The following CYRIB variants were observed in gnomAD, a reference collection of about 807,000 sequenced individuals.
CYRIB encodes the protein CYFIP-related Rac1 interactor B.
CYRIB carries 8 observed loss-of-function variants against 44.2 expected under a neutral mutation model. That is an observed-to-expected ratio of 0.18 (90% confidence interval 0.11 to 0.33). CYRIB has a LOEUF of 0.33. Among genes scored for constraint, CYRIB ranks in the 10% least tolerant of loss-of-function variants. CYRIB has a pLI of 1.00. For synonymous variants in CYRIB, 131 were observed against 127.2 expected (o/e 1.03, Z -0.20); for missense variants, 185 against 382.8 (o/e 0.48, Z 4.31).
At chr8:129,862,275 T>C in exon 5 of CYRIB, 1 of 1,613,880 alleles carries the variant, frequency 6.2e-7, no homozygotes, top group Non-Finnish European at 8.5e-7. Context: ...TGCCTACTAG[T>C]GGAACAACTG....
chr8:129,861,200 C>T (rs192807806), intron 5 of CYRIB, among the ~76,000 whole-genome samples: 2 of 152,246 alleles, frequency 1.3e-5, no homozygotes, highest in Admixed American at 6.5e-5. Context: ...ATTCACTGTA[C>T]AAAATAAAGT....
chr8:129,890,165 G>A (rs1181162014), intron 2 of CYRIB, among the ~76,000 whole-genome samples: 1 of 152,320 alleles, frequency 6.6e-6, no homozygotes, highest in East Asian at 1.9e-4. Context: ...GATAAGCACT[G>A]GCAAGGTCTG....
At chr8:129,962,823 T>C (rs1461310368) in intron 2 of CYRIB, among the ~76,000 whole-genome samples, 2 of 152,288 alleles carry the variant, frequency 1.3e-5, no homozygotes, top group African/African-American at 2.4e-5. Context: ...ACCTACTATA[T>C]TGGACATCCT....
At position 129,975,730 on chromosome 8, in the gene CYRIB, T is replaced by C. The variant is rs552705821; in HGVS notation, c.-295-4735A>G. On this transcript the variant is annotated intron_variant, in intron 1 of 14. Coordinates refer to the CYRIB transcript ENST00000401979. ...AAAACAGGTGTTTTGCTTATTCTACTTGGCATAGCATGCTCTACTGCAGAA... is the reference window on the plus strand; with the variant it reads ...AAAACAGGTGTTTTGCTTATTCTACCTGGCATAGCATGCTCTACTGCAGAA... Among the ~76,000 whole-genome samples, 22 of 152,374 alleles carry C rather than the reference T, an allele frequency of 1.4e-4. No homozygotes were observed. In the East Asian group the frequency reaches 4.0e-3, roughly 28 times the overall value.
chr8:129,854,735 T>C (rs2045250530), intron 6 of CYRIB, among the ~76,000 whole-genome samples: 1 of 152,216 alleles, frequency 6.6e-6, no homozygotes. Flanking sequence ...GATACAACTA[T>C]AAAATGCTGA....
intron 1 of CYRIB, among the ~76,000 whole-genome samples, chr8:129,920,077 CA>C (rs1415579544): frequency 6.9e-6 from 1 of 145,908 alleles, no homozygotes; most frequent in Non-Finnish European, 1.5e-5. Flanking sequence ...CAAACCAAAT[CA>C]GGGGAAAACA....
chr8:129,948,898 G>A (rs1051420617), intron 2 of CYRIB: 9 of 152,198 alleles, frequency 5.9e-5, no homozygotes, highest in African/African-American at 2.2e-4. Flanking sequence ...GACCCTGTAT[G>A]TAGAAAAAAT....
At chr8:129,944,639 C>T (rs1220580635), upstream of CYRIB, among the ~76,000 whole-genome samples, 2 of 151,888 alleles carry the variant, frequency 1.3e-5, no homozygotes, top group South Asian at 2.1e-4. Context: ...AAAAATTAGC[C>T]AGACATGGTG....
chr8:129,930,816 C>CT (rs1347185977), intron 1 of CYRIB, among the ~76,000 whole-genome samples: 1 of 152,168 alleles, frequency 6.6e-6, no homozygotes, highest in Non-Finnish European at 1.5e-5. Flanking sequence ...GATCCACCTG[C>CT]TTTTACCCAC....
In CYRIB at chr8:129,965,937, C is replaced by T. The variant is rs192317743; in HGVS notation, c.-243+5006G>A. On this transcript the variant is annotated intron_variant, in intron 2 of 14. Coordinates refer to the CYRIB transcript ENST00000401979. ...TGCAGTCTCGGCTCACTGCAGCCTC[C>T]GCCTCCCAGATTCAAGCTATTCTCC... Among the ~76,000 whole-genome samples, 1,338 of 152,076 alleles carry T rather than the reference C, an allele frequency of 8.8e-3. 11 individuals carry two copies. Among genetic ancestry groups the T allele is most frequent in the Middle Eastern group, 0.041 (12 of 292 alleles).
chr8:129,972,167 C>CT (rs1349695778), intron 1 of CYRIB, among the ~76,000 whole-genome samples: 2 of 152,236 alleles, frequency 1.3e-5, no homozygotes, highest in Non-Finnish European at 2.9e-5. Flanking sequence ...ATTTCAGCCA[C>CT]TTCGGCTGCT....
At chr8:129,858,554 G>A (rs774589662) in intron 5 of CYRIB, among the ~76,000 whole-genome samples, 1 of 152,182 alleles carries the variant, frequency 6.6e-6, no homozygotes, top group Non-Finnish European at 1.5e-5. Flanking sequence ...CTCATCAACT[G>A]CCATCTATCT....
At chr8:129,982,519 C>A (rs1310639934) in intron 1 of CYRIB, among the ~76,000 whole-genome samples, 7 of 152,188 alleles carry the variant, frequency 4.6e-5, no homozygotes, top group Non-Finnish European at 7.3e-5. Context: ...CAGGGATGAA[C>A]TTTAAAGCCA....
At chr8:130,006,607 C>CACATATATATGTATATATAT (rs1359122569) in intron 1 of CYRIB, among the ~76,000 whole-genome samples, 54 of 7,104 alleles carry the variant, frequency 7.6e-3, no homozygotes, top group South Asian at 0.014. Context: ...TATATATATA[C>CACATATATATGTATATATAT]ATATATATGT....
intron 2 of CYRIB, among the ~76,000 whole-genome samples, chr8:129,902,201 T>C (rs149646976): frequency 1.3e-5 from 2 of 152,250 alleles, no homozygotes; most frequent in Admixed American, 1.3e-4. Flanking sequence ...AATGATGGGC[T>C]GGATTTTTGT....
At chr8:129,846,428 CA>C (rs1416141665) in intron 11 of CYRIB, among the ~76,000 whole-genome samples, 1 of 152,210 alleles carries the variant, frequency 6.6e-6, no homozygotes, top group Non-Finnish European at 1.5e-5. Flanking sequence ...TGGCTTATCT[CA>C]AAATGGTGAG....
At chr8:129,877,323 A>G (rs1366217508) in intron 3 of CYRIB, among the ~76,000 whole-genome samples, 2 of 152,138 alleles carry the variant, frequency 1.3e-5, no homozygotes, top group Non-Finnish European at 1.5e-5. Context: ...TGTTGCTTGC[A>G]ATTTTTACCT....
chr8:129,848,735 A>ATTT (rs1191521309), intron 10 of CYRIB, among the ~76,000 whole-genome samples: 14 of 141,324 alleles, frequency 9.9e-5, no homozygotes, highest in African/African-American at 3.4e-4. Flanking sequence ...CACCTGGCTA[A>ATTT]TTTTTTTTTT....
At chr8:129,924,930 G>T in intron 1 of CYRIB, among the ~76,000 whole-genome samples, 1 of 152,320 alleles carries the variant, frequency 6.6e-6, no homozygotes, top group East Asian at 1.9e-4. Context: ...GTGACTGAAA[G>T]ATCTTTAGTA....
Sources: gnomAD v4.1 joint callset for allele counts (sites outside exome capture counted in the v4.1 genomes callset) on GRCh38, gnomAD v4.1.1 for gene constraint, MANE v1.5 for transcripts, NCBI Gene and HGNC (gene_info 2026-07-23, HGNC 2026-07-21) for gene names.